Variants in SLC35D1 observed in about 807,000 individuals in gnomAD.
SLC35D1 encodes nucleotide sugar transporter SLC35D1.
SLC35D1 carries 31 observed loss-of-function variants against 46.7 expected under a neutral mutation model. The ratio of observed to expected loss-of-function variants is 0.66; its 90% CI spans 0.50 to 0.90. SLC35D1 has a LOEUF of 0.90. Ranked by LOEUF, SLC35D1 falls within the 40% of genes least tolerant of loss-of-function variation. The pLI is 0.00. For synonymous variants in SLC35D1, 195 were observed against 164.6 expected (o/e 1.18, Z -1.41); for missense variants, 397 against 426.2 (o/e 0.93, Z 0.60).
chr1:66,975,444 T>C, the SLC35D1 span, among the ~76,000 whole-genome samples: 1 of 152,190 alleles, frequency 6.6e-6, no homozygotes, highest in East Asian at 1.9e-4. Flanking sequence ...GGAGGATTGC[T>C]TGAGCCTGGG....
At chr1:67,036,364 G>A in intron 8 of SLC35D1, among the ~76,000 whole-genome samples, 1 of 151,902 alleles carries the variant, frequency 6.6e-6, no homozygotes, top group Non-Finnish European at 1.5e-5. Flanking sequence ...GTGCATTCTT[G>A]CATCAGTGTT....
At chr1:67,036,429 A>G (rs1031627121) in intron 8 of SLC35D1, among the ~76,000 whole-genome samples, 3 of 152,112 alleles carry the variant, frequency 2.0e-5, no homozygotes, top group Non-Finnish European at 4.4e-5. Flanking sequence ...AAGTTAATGT[A>G]TATTAACTTA....
chr1:67,028,199 T>C (rs1667951500), intron 8 of SLC35D1, among the ~76,000 whole-genome samples: 1 of 152,240 alleles, frequency 6.6e-6, no homozygotes, highest in Non-Finnish European at 1.5e-5. Context: ...GGTCAGGGAA[T>C]ATACTTTGTA....
At chr1:66,983,062 C>T in the SLC35D1 span, among the ~76,000 whole-genome samples, 10 of 152,282 alleles carry the variant, frequency 6.6e-5, no homozygotes, top group East Asian at 1.9e-3. Flanking sequence ...TTGATGAGAA[C>T]ATGCTGTTAG....
chr1:66,997,519 A>AATAT (rs35571347), downstream of SLC35D1, among the ~76,000 whole-genome samples: 5,221 of 73,928 alleles, frequency 0.071, 227 homozygotes, highest in African/African-American at 0.092. Flanking sequence ...AAAAAAAAAA[A>AATAT]ATATATATAT....
chr1:67,040,980 A>G (rs1000514428), intron 8 of SLC35D1, among the ~76,000 whole-genome samples: 1 of 152,122 alleles, frequency 6.6e-6, no homozygotes, highest in Non-Finnish European at 1.5e-5. Flanking sequence ...TTGGGTTTAA[A>G]TCTTGACTCC....
chr1:66,977,212 C>T, the SLC35D1 span, among the ~76,000 whole-genome samples: 1 of 151,866 alleles, frequency 6.6e-6, no homozygotes, highest in Non-Finnish European at 1.5e-5. Context: ...CGGCTTCAAG[C>T]GATTGTCCTG....
the SLC35D1 span, among the ~76,000 whole-genome samples, chr1:66,981,155 A>C: frequency 1.3e-5 from 2 of 152,338 alleles, no homozygotes. Context: ...TCTCTATCCC[A>C]GATCTGCTCA....
At chr1:67,040,150 A>G (rs930647082) in intron 8 of SLC35D1, among the ~76,000 whole-genome samples, 1 of 151,954 alleles carries the variant, frequency 6.6e-6, no homozygotes, top group African/African-American at 2.4e-5. Flanking sequence ...ACACCCGACC[A>G]TTTGTGCTAA....
intron 7 of SLC35D1, among the ~76,000 whole-genome samples, chr1:67,044,006 A>C (rs948544071): frequency 7.2e-5 from 11 of 152,162 alleles, no homozygotes; most frequent in Non-Finnish European, 2.9e-5. Context: ...CAAAAGCAGC[A>C]CTGAAAAATT....
chr1:67,006,114 A>G (rs1052805461), intron 11 of SLC35D1, among the ~76,000 whole-genome samples: 1 of 152,012 alleles, frequency 6.6e-6, no homozygotes, highest in Non-Finnish European at 1.5e-5. Flanking sequence ...CCTCCCTAAG[A>G]GCTAGGATTA....
chr1:67,012,545 C>CAACAAAA, intron 10 of SLC35D1, among the ~76,000 whole-genome samples: 1 of 103,210 alleles, frequency 9.7e-6, no homozygotes, highest in Non-Finnish European at 1.9e-5. Context: ...ACTCCTAAAT[C>CAACAAAA]AAAAAAAAAA....
chr1:67,048,423 A>C (rs1645272751), intron 6 of SLC35D1, among the ~76,000 whole-genome samples: 1 of 152,236 alleles, frequency 6.6e-6, no homozygotes, highest in Non-Finnish European at 1.5e-5. Flanking sequence ...GAAAGGTAGG[A>C]GGCTAGCATA....
rs150298576 is a variant in SLC35D1, at chr1:67,046,959, G to A, written c.636+306C>T. ...TCTCTTTCTGCCTCCCAGGTCCCTC[G>A]GAAAGTCCTCTAGAATACAGCCATG... On this transcript the variant is annotated intron_variant, in intron 7 of 11. Transcript: ENST00000235345. Among the ~76,000 whole-genome samples, 15 of 152,154 alleles carry A rather than the reference G, an allele frequency of 9.9e-5. No homozygotes were observed. In the East Asian group the frequency reaches 1.5e-3, roughly 16 times the overall value.
chr1:67,039,171 TG>T (rs1668187381), intron 8 of SLC35D1, among the ~76,000 whole-genome samples: 1 of 152,222 alleles, frequency 6.6e-6, no homozygotes, highest in African/African-American at 2.4e-5. Flanking sequence ...GCATCGATTT[TG>T]CTTCAAACTG....
intron 10 of SLC35D1, among the ~76,000 whole-genome samples, chr1:67,013,580 T>C (rs1044289623): frequency 1.4e-4 from 21 of 152,088 alleles, no homozygotes; most frequent in Non-Finnish European, 2.4e-4. Flanking sequence ...CCATTTACTC[T>C]TATTTCTTCC....
chr1:67,036,742 C>T (rs977043568), intron 8 of SLC35D1, among the ~76,000 whole-genome samples: 28 of 149,080 alleles, frequency 1.9e-4, no homozygotes, highest in African/African-American at 6.2e-4. Flanking sequence ...ATCCATTTAG[C>T]TACTGTATGT....
At chr1:67,017,803 C>T (rs1030526659) in intron 10 of SLC35D1, among the ~76,000 whole-genome samples, 1 of 152,160 alleles carries the variant, frequency 6.6e-6, no homozygotes, top group Non-Finnish European at 1.5e-5. Context: ...TAAAATGGGA[C>T]ACAAATGTTT....
At chr1:66,984,427 T>C in the SLC35D1 span, 2 of 561,100 alleles carry the variant, frequency 3.6e-6, no homozygotes, top group Non-Finnish European at 6.1e-6. Context: ...TAAGGCGACA[T>C]AGCTTATAAG....
Sources: gnomAD v4.1 joint callset for allele counts (sites outside exome capture counted in the v4.1 genomes callset) on GRCh38, gnomAD v4.1.1 for gene constraint, MANE v1.5 for transcripts, NCBI Gene and HGNC (gene_info 2026-07-23, HGNC 2026-07-21) for gene names.